The following NFIA variants were observed in gnomAD, a reference collection of about 807,000 sequenced individuals.
NFIA encodes nuclear factor I A.
NFIA carries 8 observed loss-of-function variants against 62.8 expected under a neutral mutation model. The observed-to-expected ratio is 0.13, with a 90% CI of 0.07 to 0.23. NFIA has a LOEUF of 0.23. Ranked by LOEUF, NFIA falls within the 10% of genes least tolerant of loss-of-function variation. The pLI, the probability that NFIA is intolerant of heterozygous loss-of-function variation, is 1.00. For missense variants in NFIA, 410 were observed against 642.1 expected (o/e 0.64, Z 3.91); for synonymous variants, 235 against 238.1 (o/e 0.99, Z 0.12).
chr1:61,446,972 G>A lies in NFIA; in HGVS notation c.1513-8331G>A, dbSNP rs371681343. 2.8e-4 allele frequency among the ~76,000 whole-genome samples: 42 copies of A among 152,200 alleles called. No homozygotes were observed. The South Asian group carries it at 8.3e-3, about 30-fold the overall frequency. ...AGGTTACCTCCCTGGGCCACCATTG[G>A]GCCAACCCCAAGTGTTTCTGTCTGC... On this transcript the variant is annotated intron_variant, in intron 10 of 10. Transcript: ENST00000403491.
At chr1:61,376,439 G>A (rs1664152323) in intron 6 of NFIA, among the ~76,000 whole-genome samples, 3 of 152,216 alleles carry the variant, frequency 2.0e-5, no homozygotes, top group African/African-American at 7.2e-5. Flanking sequence ...AACATCTGGG[G>A]TCATTATCTT....
In NFIA at chr1:61,434,444, G is replaced by A. The variant is rs1033224184; in HGVS notation, c.1512+7888G>A. Among the ~76,000 whole-genome samples, 5 of 152,158 alleles carry A rather than the reference G, an allele frequency of 3.3e-5. No homozygotes were observed. In the South Asian group the frequency reaches 8.3e-4, roughly 25 times the overall value. On this transcript the variant is annotated intron_variant, in intron 10 of 10. Coordinates refer to ENST00000403491, the MANE Select transcript of NFIA (RefSeq NM_001134673.4). ...CACATTCTCTTCACATACACTTGGC[G>A]GCTGACTCACTGACAGGCTATGAGA... is the stretch of plus-strand genomic sequence containing the variant.
intron 10 of NFIA, among the ~76,000 whole-genome samples, chr1:61,448,436 C>T (rs1435318126): frequency 6.6e-6 from 1 of 152,134 alleles, no homozygotes; most frequent in Non-Finnish European, 1.5e-5. Context: ...TTCCTGGGGA[C>T]GTTGGGTCTC....
At chr1:61,431,000 G>C (rs1667077544) in intron 10 of NFIA, among the ~76,000 whole-genome samples, 1 of 152,112 alleles carries the variant, frequency 6.6e-6, no homozygotes, top group East Asian at 1.9e-4. Flanking sequence ...ATTTTTCAAC[G>C]TTGTCCCGTG....
intron 2 of NFIA, among the ~76,000 whole-genome samples, chr1:61,190,670 T>A (rs1231701477): frequency 2.0e-5 from 3 of 152,210 alleles, no homozygotes; most frequent in Non-Finnish European, 2.9e-5. Context: ...ACAAACAAAT[T>A]TTATGACCTG....
chr1:61,432,128 A>C (rs1163428033), intron 10 of NFIA, among the ~76,000 whole-genome samples: 2 of 152,058 alleles, frequency 1.3e-5, no homozygotes. Flanking sequence ...CTTTCCAAAG[A>C]GTGGAAGCAG....
At chr1:61,099,231 C>T (rs1403957284) in intron 2 of NFIA, among the ~76,000 whole-genome samples, 2 of 152,014 alleles carry the variant, frequency 1.3e-5, no homozygotes, top group Admixed American at 1.3e-4. Flanking sequence ...ACTTTATGTG[C>T]GGTTGAATCT....
chr1:61,171,561 T>C (rs1649967471), intron 2 of NFIA, among the ~76,000 whole-genome samples: 1 of 152,190 alleles, frequency 6.6e-6, no homozygotes, highest in Non-Finnish European at 1.5e-5. Flanking sequence ...AATATAGGAT[T>C]TGAGAAGAGG....
chr1:61,194,652 G>A (rs1221824066), intron 2 of NFIA, among the ~76,000 whole-genome samples: 1 of 152,170 alleles, frequency 6.6e-6, no homozygotes, highest in East Asian at 1.9e-4. Context: ...ATATGGCCTT[G>A]ACTTCACCCT....
chr1:61,197,647 G>T (rs1652123184), intron 2 of NFIA, among the ~76,000 whole-genome samples: 1 of 151,876 alleles, frequency 6.6e-6, no homozygotes, highest in Non-Finnish European at 1.5e-5. Context: ...AAGAAACCTT[G>T]TTATTATTCA....
chr1:61,448,788 G>T (rs914813890), intron 10 of NFIA, among the ~76,000 whole-genome samples: 14 of 152,162 alleles, frequency 9.2e-5, no homozygotes, highest in East Asian at 1.9e-4. Context: ...GAGGTAAAAG[G>T]TTACGTGATG....
intron 2 of NFIA, among the ~76,000 whole-genome samples, chr1:61,120,731 C>G (rs780398742): frequency 3.3e-5 from 5 of 152,138 alleles, no homozygotes; most frequent in Non-Finnish European, 5.9e-5. Context: ...GCAGTTAAGT[C>G]CATTTAAAAC....
At chr1:61,100,533 A>G (rs1464910885) in intron 2 of NFIA, among the ~76,000 whole-genome samples, 1 of 152,206 alleles carries the variant, frequency 6.6e-6, no homozygotes, top group Non-Finnish European at 1.5e-5. Flanking sequence ...ATGTTTTTAA[A>G]TTAGAGTCCT....
intron 5 of NFIA, among the ~76,000 whole-genome samples, chr1:61,354,881 A>G (rs1662745679): frequency 6.6e-6 from 1 of 152,112 alleles, no homozygotes; most frequent in Non-Finnish European, 1.5e-5. Flanking sequence ...TCAGCAGCGA[A>G]CGTTATTAGT....
At chr1:61,379,402 C>CTTTTTTTTTTTTT (rs60735193) in intron 6 of NFIA, among the ~76,000 whole-genome samples, 30 of 98,248 alleles carry the variant, frequency 3.1e-4, no homozygotes, top group East Asian at 6.8e-4. Flanking sequence ...TTTTCTTTTT[C>CTTTTTTTTTTTTT]TTTTTTTTTT....
chr1:61,284,409 T>C (rs949746626), intron 3 of NFIA, among the ~76,000 whole-genome samples: 1 of 152,208 alleles, frequency 6.6e-6, no homozygotes, highest in African/African-American at 2.4e-5. Context: ...CAAAGGCTCC[T>C]CAGAAATGCC....
intron 9 of NFIA, among the ~76,000 whole-genome samples, chr1:61,423,750 G>C (rs1666740926): frequency 6.6e-6 from 1 of 152,026 alleles, no homozygotes; most frequent in African/African-American, 2.4e-5. Flanking sequence ...TGTTTCTGTA[G>C]GAAAATCAAA....
chr1:61,147,622 A>G (rs1383463571), intron 2 of NFIA, among the ~76,000 whole-genome samples: 2 of 152,086 alleles, frequency 1.3e-5, no homozygotes, highest in Admixed American at 1.3e-4. Context: ...TTGGAAAATC[A>G]TTTTGCCTCT....
chr1:61,298,667 C>T (rs901263148), intron 3 of NFIA, among the ~76,000 whole-genome samples: 21 of 152,000 alleles, frequency 1.4e-4, no homozygotes, highest in Non-Finnish European at 2.9e-5. Context: ...GGTTTACTTC[C>T]GTAAATTGGA....
Sources: gnomAD v4.1 joint callset for allele counts (sites outside exome capture counted in the v4.1 genomes callset) on GRCh38, gnomAD v4.1.1 for gene constraint, MANE v1.5 for transcripts, NCBI Gene and HGNC (gene_info 2026-07-23, HGNC 2026-07-21) for gene names.